TENM3: variants seen among roughly 807,000 people sequenced by gnomAD.
TENM3 encodes teneurin transmembrane protein 3.
Under a neutral mutation model 255.1 loss-of-function variants are expected in TENM3, and 63 were observed. The observed-to-expected ratio is 0.25, with a 90% confidence interval of 0.20 to 0.30. TENM3 has a LOEUF of 0.30. TENM3 is among the 10% of genes least tolerant of loss of function. The probability of loss-of-function intolerance (pLI) is 1.00; values close to 1 mark genes in which losing one functional copy is unlikely to be tolerated. For missense variants in TENM3, 2,929 were observed against 3,461.1 expected (o/e 0.85, Z 3.86); for synonymous variants, 1,306 against 1,322.3 (o/e 0.99, Z 0.27).
chr4:181,518,619 G>T, the TENM3 span, among the ~76,000 whole-genome samples: 2 of 152,140 alleles, frequency 1.3e-5, no homozygotes, highest in African/African-American at 4.8e-5. Context: ...AGTAGAGACA[G>T]AGTTTCACCA....
chr4:182,253,454 C>T lies in TENM3; in HGVS notation c.-76+9978C>T, dbSNP rs6830035. Among the ~76,000 whole-genome samples, 793 of 152,220 alleles carry T rather than the reference C, an allele frequency of 5.2e-3. 16 individuals carry two copies. Among genetic ancestry groups the T allele is most frequent in the African/African-American group, 0.018 (734 of 41,526 alleles). On this transcript the variant is annotated intron_variant, in intron 1 of 27. Coordinates refer to ENST00000511685, the MANE Select transcript of TENM3 (RefSeq NM_001080477.4). ...CACCACTGCACTCCAGCCTGGGCGA[C>T]AAGAGCAAAACTCTGTCCCCCCAGA... is the stretch of plus-strand genomic sequence containing the variant.
chr4:181,641,554 G>GGATATA, the TENM3 span, among the ~76,000 whole-genome samples: 1 of 26,910 alleles, frequency 3.7e-5, no homozygotes, highest in Admixed American at 6.9e-4. Context: ...TGGTGTGTGT[G>GGATATA]TATATATATA....
the TENM3 span, among the ~76,000 whole-genome samples, chr4:181,456,317 T>A: frequency 6.6e-6 from 1 of 151,924 alleles, no homozygotes; most frequent in Admixed American, 6.6e-5. Flanking sequence ...TATCCTTCGA[T>A]TGTCTAGAGA....
the TENM3 span, among the ~76,000 whole-genome samples, chr4:181,840,978 T>C: frequency 6.6e-6 from 1 of 152,146 alleles, no homozygotes; most frequent in Non-Finnish European, 1.5e-5. Context: ...GTTTTGTAAG[T>C]TTTCTAGCAA....
At chr4:181,553,288 T>TGTA in the TENM3 span, among the ~76,000 whole-genome samples, 32 of 118,066 alleles carry the variant, frequency 2.7e-4, 1 homozygote, top group East Asian at 6.9e-3. Flanking sequence ...TGTGTGTGTG[T>TGTA]GTGTGTGTGT....
chr4:181,769,264 G>A, the TENM3 span, among the ~76,000 whole-genome samples: 1 of 152,174 alleles, frequency 6.6e-6, no homozygotes, highest in African/African-American at 2.4e-5. Context: ...CTAACAAATG[G>A]TATATTAACC....
intron 3 of TENM3, among the ~76,000 whole-genome samples, chr4:182,474,167 C>T (rs1420480881): frequency 6.6e-6 from 1 of 152,094 alleles, no homozygotes; most frequent in Admixed American, 6.6e-5. Flanking sequence ...AAATGAATTC[C>T]TTTGCAACTG....
the TENM3 span, among the ~76,000 whole-genome samples, chr4:181,831,968 T>TTGTGTGTGTGTGTGTGTGTG: frequency 8.7e-4 from 115 of 132,710 alleles, 2 homozygotes; most frequent in Middle Eastern, 3.9e-3. Context: ...ATATATTACA[T>TTGTGTGTGTGTGTGTGTGTG]TGTGTGTGTG....
At chr4:182,053,145 T>C in the TENM3 span, among the ~76,000 whole-genome samples, 2 of 152,160 alleles carry the variant, frequency 1.3e-5, no homozygotes, top group East Asian at 3.9e-4. Flanking sequence ...TATGACCAGA[T>C]GAGATGCAAT....
the TENM3 span, among the ~76,000 whole-genome samples, chr4:182,027,377 A>G: frequency 6.6e-6 from 1 of 151,962 alleles, no homozygotes; most frequent in Non-Finnish European, 1.5e-5. Context: ...TTTTTTATGG[A>G]GTCTTTAGGT....
At chr4:181,555,506 A>T in the TENM3 span, among the ~76,000 whole-genome samples, 1 of 152,236 alleles carries the variant, frequency 6.6e-6, no homozygotes. Context: ...ACCATATTTA[A>T]TTGATAAAAA....
At chr4:181,967,851 C>G in the TENM3 span, among the ~76,000 whole-genome samples, 10 of 152,084 alleles carry the variant, frequency 6.6e-5, no homozygotes, top group Admixed American at 3.3e-4. Flanking sequence ...ACTTCTGGAC[C>G]GAGGCCTGAA....
chr4:182,321,054 A>G (rs1763016947), intron 1 of TENM3, among the ~76,000 whole-genome samples: 1 of 152,234 alleles, frequency 6.6e-6, no homozygotes, highest in Admixed American at 6.5e-5. Flanking sequence ...CTTTATTACT[A>G]AAAATGCTCG....
the TENM3 span, among the ~76,000 whole-genome samples, chr4:181,471,730 A>G: frequency 6.6e-6 from 1 of 152,210 alleles, no homozygotes; most frequent in South Asian, 2.1e-4. Context: ...TTCCTCACCT[A>G]TTGCAAGGCT....
chr4:181,704,179 T>A, the TENM3 span, among the ~76,000 whole-genome samples: 1 of 152,186 alleles, frequency 6.6e-6, no homozygotes, highest in Non-Finnish European at 1.5e-5. Flanking sequence ...ATCGCGTTTG[T>A]ATTTTCCCTT....
chr4:182,704,164 A>G (rs368586390), intron 12 of TENM3, among the ~76,000 whole-genome samples: 1 of 152,180 alleles, frequency 6.6e-6, no homozygotes, highest in Non-Finnish European at 1.5e-5. Flanking sequence ...AAACTCACAC[A>G]AGGAATAAAA....
chr4:182,616,365 A>G (rs1749515167), intron 4 of TENM3, among the ~76,000 whole-genome samples: 2 of 133,874 alleles, frequency 1.5e-5, no homozygotes, highest in Admixed American at 8.4e-5. Flanking sequence ...CACTCTGGGG[A>G]CTGTGGTGGG....
chr4:182,073,616 C>A, the TENM3 span, among the ~76,000 whole-genome samples: 1 of 152,144 alleles, frequency 6.6e-6, no homozygotes. Context: ...GAGAGGAAAC[C>A]AAAAGGCAGA....
At chr4:181,564,817 T>C in the TENM3 span, among the ~76,000 whole-genome samples, 6 of 152,222 alleles carry the variant, frequency 3.9e-5, no homozygotes, top group Admixed American at 3.9e-4. Flanking sequence ...TATCCTGCTG[T>C]GTGAGTCACT....
Sources: gnomAD v4.1 joint callset for allele counts (sites outside exome capture counted in the v4.1 genomes callset) on GRCh38, gnomAD v4.1.1 for gene constraint, MANE v1.5 for transcripts, NCBI Gene and HGNC (gene_info 2026-07-23, HGNC 2026-07-21) for gene names.